PLB1: variants seen among roughly 807,000 people sequenced by gnomAD.
The protein encoded by PLB1 is phospholipase B1, membrane-associated.
A neutral mutation model predicts 227.4 loss-of-function variants in PLB1; 242 were observed. That is an observed-to-expected ratio of 1.06 (90% confidence interval 0.96 to 1.18). The LOEUF (loss-of-function observed/expected upper bound fraction) is 1.18, where lower values mean the gene tolerates loss of function less well. PLB1 is among the 50% of genes most tolerant of loss of function. The pLI is 0.00. For missense variants in PLB1, 1,858 were observed against 1,816.3 expected (o/e 1.02, Z -0.42); for synonymous variants, 757 against 682.2 (o/e 1.11, Z -1.71).
intron 4 of PLB1, among the ~76,000 whole-genome samples, chr2:28,524,646 A>G (rs1669979497): frequency 6.6e-6 from 1 of 152,054 alleles, no homozygotes; most frequent in Admixed American, 6.5e-5. Flanking sequence ...TAGATTTTGG[A>G]GGGTCATAAT....
Position 28,518,448 on chromosome 2 carries a change from GT to G in PLB1, c.118-16del, listed in dbSNP as rs765875192. Reference sequence around the variant, plus strand: ...ATACAAGGCAGTTGATGTTTCTGATGTTCGTTTTCAATTGCAGACCCTGAAG... The same window carrying G: ...ATACAAGGCAGTTGATGTTTCTGATGTCGTTTTCAATTGCAGACCCTGAAG... On this transcript the variant is annotated splice_polypyrimidine_tract_variant and intron_variant, in intron 2 of 57. Transcript: ENST00000327757. 4 of 1,596,312 alleles carry G rather than the reference GT, an allele frequency of 2.5e-6. No individual in the cohort carries two copies. Among genetic ancestry groups the G allele is most frequent in the Non-Finnish European group, 3.4e-6 (4 of 1,164,014 alleles).
chr2:28,607,871 C>G (rs1684901979), intron 43 of PLB1, among the ~76,000 whole-genome samples: 1 of 152,128 alleles, frequency 6.6e-6, no homozygotes, highest in African/African-American at 2.4e-5. Context: ...ACTGTCCACT[C>G]CCCTTCCATT....
At chr2:28,602,438 C>A (rs1203739882) in intron 38 of PLB1, among the ~76,000 whole-genome samples, 1 of 152,242 alleles carries the variant, frequency 6.6e-6, no homozygotes, top group Non-Finnish European at 1.5e-5. Context: ...CCAGATGCTC[C>A]CCTGTGGGGG....
chr2:28,532,279 C>T (rs1178977798), intron 9 of PLB1, 85 bp downstream of exon 9: 1 of 1,115,812 alleles, frequency 9.0e-7, no homozygotes, highest in African/African-American at 1.6e-5. Flanking sequence ...ACCCAATCCC[C>T]AGCTGTCAGG....
At chr2:28,597,206 T>G (rs936132181) in intron 33 of PLB1, among the ~76,000 whole-genome samples, 1 of 149,152 alleles carries the variant, frequency 6.7e-6, no homozygotes, top group East Asian at 2.0e-4. Flanking sequence ...GGAGCTTGCA[T>G]TGAGTGGAGA....
chr2:28,531,944 G>GTTA (rs1369511910), intron 8 of PLB1, among the ~76,000 whole-genome samples, 164 bp from the exon 9 acceptor site: 1 of 152,096 alleles, frequency 6.6e-6, no homozygotes, highest in Non-Finnish European at 1.5e-5. Flanking sequence ...ATCTAGAGCA[G>GTTA]TTATACCACT....
intron 2 of PLB1, among the ~76,000 whole-genome samples, chr2:28,517,669 G>T (rs551311200): frequency 6.6e-6 from 1 of 151,570 alleles, no homozygotes; most frequent in East Asian, 1.9e-4. Context: ...AATATAAAAC[G>T]GGATTGATTA....
rs1466097986 is a variant in PLB1, at chr2:28,573,236, C to G, written c.1364C>G (p.Ser455Cys). The change falls in exon 21 of 58, where the codon TCT becomes TGT. Residue 455 changes from serine (S) to cysteine (C), a missense_variant. Physicochemically the swap from Ser to Cys is moderately radical, Grantham distance 112. Transcript: ENST00000327757. The stretch of plus-strand genomic sequence containing the variant: ...TTCAACCCTTCCCTGAAGGGCTTCT[C>G]TGTTGGCACTGGGAAAGAAACCAGT... ...REFNPSLKGF[S>C]VGTGKETSPN... 1 of 1,614,054 alleles carries G rather than the reference C, an allele frequency of 6.2e-7. No individual in the cohort carries two copies. The highest frequency in any genetic ancestry group is 8.5e-7 in the Non-Finnish European group (1 of 1,180,032).
chr2:28,538,140 AAATG>A (rs1362795906), intron 9 of PLB1, 175 bp from the exon 10 acceptor site: 25 of 785,138 alleles, frequency 3.2e-5, no homozygotes, highest in African/African-American at 5.1e-5. Flanking sequence ...TAGAAGAACA[AAATG>A]AAGACAAAAC....
chr2:28,496,189 A>G lies in PLB1; in HGVS notation c.55+20A>G, dbSNP rs571857403. 38 of 1,612,610 alleles carry G rather than the reference A, an allele frequency of 2.4e-5. No individual in the cohort carries two copies. The highest frequency in any genetic ancestry group is 3.1e-5 in the Non-Finnish European group (36 of 1,178,922). On this transcript the variant is annotated intron_variant, in intron 1 of 57. Coordinates refer to ENST00000327757, the MANE Select transcript of PLB1 (RefSeq NM_153021.5). ...GGCAAGGTAAGCGTGCCTTTTGCTCAGAGGACAACCAGTGGTTTAGCCCCG... is the reference window on the plus strand; with the variant it reads ...GGCAAGGTAAGCGTGCCTTTTGCTCGGAGGACAACCAGTGGTTTAGCCCCG...
intron 2 of PLB1, among the ~76,000 whole-genome samples, chr2:28,517,979 T>A (rs1312212393): frequency 2.0e-5 from 3 of 151,936 alleles, no homozygotes; most frequent in Admixed American, 1.3e-4. Flanking sequence ...GTTCAAGTGA[T>A]TCTCGTGCCT....
Position 28,589,445 on chromosome 2 carries a change from T to G in PLB1, c.1816-5T>G. ...CCTGACATCTGTCCCCTTTTCCTCCTGCAGGAGAAGACCCACCAACTGATT... is the reference window on the plus strand; with the variant it reads ...CCTGACATCTGTCCCCTTTTCCTCCGGCAGGAGAAGACCCACCAACTGATT... On this transcript the variant is annotated splice_region_variant and splice_polypyrimidine_tract_variant and intron_variant, in intron 26 of 57. Transcript: ENST00000327757. 3 of 1,613,490 alleles carry G rather than the reference T, an allele frequency of 1.9e-6. No individual in the cohort carries two copies. Among genetic ancestry groups the G allele is most frequent in the South Asian group, 1.1e-5 (1 of 91,068 alleles).
chr2:28,619,978 G>A (rs1458354043), intron 46 of PLB1, among the ~76,000 whole-genome samples: 1 of 152,146 alleles, frequency 6.6e-6, no homozygotes, highest in Non-Finnish European at 1.5e-5. Context: ...TGGCAGGGAG[G>A]TGAGGGTCTC....
intron 1 of PLB1, among the ~76,000 whole-genome samples, chr2:28,499,162 CAACT>C (rs1171295825): frequency 1.3e-5 from 2 of 151,976 alleles, no homozygotes; most frequent in East Asian, 3.9e-4. Flanking sequence ...ATTTTGAACT[CAACT>C]AAACTTAAAA....
At chr2:28,535,383 C>G (rs1180952697) in intron 9 of PLB1, among the ~76,000 whole-genome samples, 2 of 152,238 alleles carry the variant, frequency 1.3e-5, no homozygotes, top group Non-Finnish European at 2.9e-5. Context: ...CTTCCACTTA[C>G]CCCAGAGGCC....
At chr2:28,600,992 C>T (rs564530042) in intron 36 of PLB1, 132 bp downstream of exon 36, 2 of 853,950 alleles carry the variant, frequency 2.3e-6, no homozygotes, top group East Asian at 5.3e-5. Flanking sequence ...GGTCGGACAG[C>T]CCCCTGACAG....
chr2:28,580,921 C>T (rs763910360), intron 23 of PLB1, among the ~76,000 whole-genome samples: 33 of 152,072 alleles, frequency 2.2e-4, no homozygotes, highest in Non-Finnish European at 4.6e-4. Flanking sequence ...GCCCCAGCCC[C>T]CAGGCCCCTC....
chr2:28,520,220 G>A (rs1026372795), intron 4 of PLB1, among the ~76,000 whole-genome samples: 190 of 125,288 alleles, frequency 1.5e-3, no homozygotes, highest in African/African-American at 5.1e-3. Flanking sequence ...GAGCCACTGC[G>A]CCCAGCCGAA....
intron 44 of PLB1, 127 bp from the exon 45 acceptor site, chr2:28,617,600 C>T (rs1686370357): frequency 3.4e-6 from 3 of 882,198 alleles, no homozygotes; most frequent in Non-Finnish European, 5.6e-6. Flanking sequence ...CTTTCCCTCA[C>T]ATGATCCTGT....
Sources: gnomAD v4.1 joint callset for allele counts (sites outside exome capture counted in the v4.1 genomes callset) on GRCh38, gnomAD v4.1.1 for gene constraint, MANE v1.5 for transcripts, NCBI Gene and HGNC (gene_info 2026-07-23, HGNC 2026-07-21) for gene names.